Variants in ACACA observed in about 807,000 individuals in gnomAD.
The protein encoded by ACACA is acetyl-CoA carboxylase 1.
ACACA carries 103 observed loss-of-function variants against 296.1 expected under a neutral mutation model. The observed-to-expected ratio is 0.35, with a 90% CI of 0.30 to 0.41. The LOEUF is 0.41. Ranked by LOEUF, ACACA falls within the 10% of genes least tolerant of loss-of-function variation. The pLI is 1.00. For synonymous variants in ACACA, 953 were observed against 1,038.6 expected (o/e 0.92, Z 1.58); for missense variants, 1,554 against 2,989.7 (o/e 0.52, Z 11.20).
At chr17:37,314,664 G>A (rs1598465622) in intron 3 of ACACA, among the ~76,000 whole-genome samples, 1 of 134,380 alleles carries the variant, frequency 7.4e-6, no homozygotes, top group East Asian at 2.3e-4. Flanking sequence ...TTTTGAGATG[G>A]TATCTCACTC....
chr17:37,254,959 G>A (rs2081161916), intron 14 of ACACA, among the ~76,000 whole-genome samples: 1 of 152,074 alleles, frequency 6.6e-6, no homozygotes, highest in Admixed American at 6.5e-5. Flanking sequence ...AAATTAGCCA[G>A]GCATGGTGGC....
At chr17:37,259,116 A>G (rs1354101583) in intron 12 of ACACA, among the ~76,000 whole-genome samples, 1 of 152,248 alleles carries the variant, frequency 6.6e-6, no homozygotes, top group Non-Finnish European at 1.5e-5. Flanking sequence ...CATTATTAAC[A>G]TTTATTTCTA....
chr17:37,339,899 C>A, intron 1 of ACACA, 49 bp from the exon 2 acceptor site: 1 of 979,880 alleles, frequency 1.0e-6, no homozygotes, highest in Non-Finnish European at 1.6e-6. Context: ...AAGAAACAAA[C>A]TTTTGTCAAT....
chr17:37,280,936 C>G (rs116680637), intron 5 of ACACA, among the ~76,000 whole-genome samples: 3,632 of 152,188 alleles, frequency 0.024, 76 homozygotes, highest in African/African-American at 0.05. Flanking sequence ...TTGTGTCATA[C>G]CTTTATGCAT....
At chr17:37,219,360 GACAA>G (rs1443262269) in intron 29 of ACACA, among the ~76,000 whole-genome samples, 1 of 152,116 alleles carries the variant, frequency 6.6e-6, no homozygotes, top group Non-Finnish European at 1.5e-5. Flanking sequence ...GGCTGATCCT[GACAA>G]TAAAACTGTA....
intron 3 of ACACA, among the ~76,000 whole-genome samples, chr17:37,314,946 AATGC>A (rs1235687838): frequency 5.8e-5 from 8 of 138,526 alleles, no homozygotes; most frequent in African/African-American, 1.9e-4. Context: ...CCCGGCCAGG[AATGC>A]TTTTTTTTTT....
At chr17:37,312,621 CA>C (rs2084209528) in intron 3 of ACACA, among the ~76,000 whole-genome samples, 1 of 152,098 alleles carries the variant, frequency 6.6e-6, no homozygotes, top group Admixed American at 6.6e-5. Flanking sequence ...TGTTTTTGAA[CA>C]GATGTGAAAC....
chr17:37,398,240 A>C (rs1490697392), intron 1 of ACACA, among the ~76,000 whole-genome samples: 1 of 140,666 alleles, frequency 7.1e-6, no homozygotes, highest in African/African-American at 2.6e-5. Context: ...AAAAAAAAAA[A>C]AAAAACAGTT....
In ACACA at chr17:37,106,845, G is replaced by A. The variant is rs557164202; in HGVS notation, c.6565+4686C>T. ...CCTGCCAGGTCCCTCTGGCCATACA[G>A]AATTGTGAAACACTGCTTCCTTGGG... On this transcript the variant is annotated intron_variant, in intron 52 of 55. Transcript: ENST00000616317. 8.6e-5 allele frequency among the ~76,000 whole-genome samples: 13 copies of A among 151,638 alleles called. No homozygotes were observed. The South Asian group carries it at 2.5e-3, about 29-fold the overall frequency.
chr17:37,152,512 T>TAC (rs1285881485), intron 43 of ACACA, among the ~76,000 whole-genome samples: 1 of 152,140 alleles, frequency 6.6e-6, no homozygotes, highest in East Asian at 1.9e-4. Flanking sequence ...ATCAAGTATA[T>TAC]ACACAAGGGT....
chr17:37,099,556 T>G lies in ACACA; in HGVS notation c.6566-1572A>C, dbSNP rs1012691260. Among the ~76,000 whole-genome samples, 590 of 119,294 alleles carry G rather than the reference T, an allele frequency of 4.9e-3. 2 individuals are homozygous for G. The highest frequency in any genetic ancestry group is 0.021 in the African/African-American group (553 of 25,824). The allele number at this position is 119,294 out of a possible 152,430, so 78.3% of individuals were successfully genotyped here. ...GGAGGGCTGATGGCGGGAGGGCTGA[T>G]GGCAGGAGGGCTGATGGCGGGAGGG... On this transcript the variant is annotated intron_variant, in intron 52 of 55. Coordinates refer to ENST00000616317, the MANE Select transcript of ACACA (RefSeq NM_198834.3).
intron 29 of ACACA, among the ~76,000 whole-genome samples, chr17:37,220,021 C>A (rs1300995516): frequency 6.6e-6 from 1 of 152,076 alleles, no homozygotes; most frequent in Non-Finnish European, 1.5e-5. Context: ...ATTACACTGA[C>A]AACCAAGGGA....
intron 1 of ACACA, among the ~76,000 whole-genome samples, chr17:37,346,010 T>C (rs955647595): frequency 1.3e-5 from 2 of 152,028 alleles, no homozygotes; most frequent in Non-Finnish European, 2.9e-5. Context: ...GTTAGGAGTT[T>C]CACATTACAA....
intron 1 of ACACA, chr17:37,391,751 A>G: frequency 6.3e-7 from 1 of 1,576,654 alleles, no homozygotes; most frequent in Non-Finnish European, 8.7e-7. Context: ...TCAAAGACTG[A>G]ATGATACTAC....
chr17:37,389,560 G>A (rs1261497107), intron 1 of ACACA, among the ~76,000 whole-genome samples: 2 of 152,002 alleles, frequency 1.3e-5, no homozygotes, highest in African/African-American at 4.8e-5. Flanking sequence ...GGTGGCACAT[G>A]CCTGTACTCC....
Position 37,403,969 on chromosome 17 carries a change from C to T in ACACA, c.38+2293G>A, listed in dbSNP as rs528684304. Among the ~76,000 whole-genome samples, 93 of 152,256 alleles carry T rather than the reference C, an allele frequency of 6.1e-4. 1 individual carries two copies. The highest frequency in any genetic ancestry group is 2.4e-3 in the Admixed American group (37 of 15,278). On this transcript the variant is annotated intron_variant, in intron 1 of 55. Coordinates refer to ENST00000616317, the MANE Select transcript of ACACA (RefSeq NM_198834.3). ...TGCATTTTTAGCAGAGATGGGTTTT[C>T]GCCATGTTGCCCAGGCTGATCTTGA...
chr17:37,149,005 T>G (rs2075930241), intron 45 of ACACA, among the ~76,000 whole-genome samples: 1 of 152,236 alleles, frequency 6.6e-6, no homozygotes, highest in South Asian at 2.1e-4. Context: ...GAATATTCCA[T>G]TATACTTTTC....
intron 14 of ACACA, among the ~76,000 whole-genome samples, chr17:37,256,372 GT>G (rs1268955811): frequency 1.3e-5 from 2 of 152,078 alleles, no homozygotes; most frequent in African/African-American, 4.8e-5. Flanking sequence ...TCCACTTATA[GT>G]TTTGAAGAAT....
chr17:37,087,564 C>T, intron 55 of ACACA, 125 bp from the exon 56 acceptor site: 1 of 1,174,392 alleles, frequency 8.5e-7, no homozygotes, highest in Non-Finnish European at 1.2e-6. Context: ...CACGCCTCAC[C>T]TTATTTGTTT....
Sources: allele counts gnomAD v4.1 joint callset (sites outside exome capture counted in the v4.1 genomes callset), GRCh38; gene constraint gnomAD v4.1.1; transcripts MANE v1.5; gene names NCBI Gene and HGNC (gene_info 2026-07-23, HGNC 2026-07-21).